The following ULK2 variants were observed in gnomAD, a reference collection of about 807,000 sequenced individuals.
ULK2 encodes unc-51 like autophagy activating kinase 2, also known as serine/threonine-protein kinase ULK2.
A neutral mutation model predicts 127.5 loss-of-function variants in ULK2; 76 were observed. The ratio of observed to expected loss-of-function variants is 0.60; its 90% confidence interval spans 0.50 to 0.72. The LOEUF is 0.72. ULK2 is among the 30% of genes least tolerant of loss of function. ULK2 has a pLI of 0.00. For synonymous variants in ULK2, 452 were observed against 461.9 expected, an observed-to-expected ratio of 0.98 and a Z score of 0.28; for missense variants, 1,144 against 1,295.9, an observed-to-expected ratio of 0.88 and a Z score of 1.80.
rs577642653 is a variant in ULK2, at chr17:19,810,432, A to G, written c.1103T>C (p.Met368Thr). ...ACGTCTGCCAGCAGTCCCCACTGGC[A>G]TATCACCTAAAGGAGAGAAAAGAAC... Reference protein sequence around the residue: ...HNISSDHSCDMPVGTAGRRAS... With the variant: ...HNISSDHSCDTPVGTAGRRAS... The change falls in exon 14 of 27, where the codon ATG (methionine) becomes ACG (threonine). Residue 368 changes from methionine to threonine, a missense_variant. By Grantham distance (81) the Met-to-Thr change is moderately conservative. Transcript: ENST00000395544. The G allele has an allele frequency of 2.5e-6, 4 of 1,602,904 alleles. No homozygotes were observed. Among genetic ancestry groups the G allele is most frequent in the Admixed American group, 3.4e-5 (2 of 59,540 alleles).
intron 10 of ULK2, among the ~76,000 whole-genome samples, chr17:19,835,321 C>A (rs2041565911): frequency 6.6e-6 from 1 of 151,156 alleles, no homozygotes; most frequent in Non-Finnish European, 1.5e-5. Flanking sequence ...ACCTCGTGAT[C>A]TGCCCACTTC....
intron 14 of ULK2, among the ~76,000 whole-genome samples, chr17:19,805,488 T>C (rs1426827829): frequency 6.6e-6 from 1 of 152,096 alleles, no homozygotes; most frequent in African/African-American, 2.4e-5. Context: ...AGATGACTTA[T>C]TTCAAAGTAA....
At chr17:19,827,571 G>A (rs530318444) in intron 10 of ULK2, among the ~76,000 whole-genome samples, 3 of 152,272 alleles carry the variant, frequency 2.0e-5, no homozygotes, top group Admixed American at 6.5e-5. Context: ...ATGTCTTAAT[G>A]ATTTCTCTGG....
At chr17:19,867,296 C>T (rs745645397) in intron 1 of ULK2, 32 bp downstream of exon 1, 35 of 1,520,114 alleles carry the variant, frequency 2.3e-5, no homozygotes, top group Non-Finnish European at 2.4e-5. Flanking sequence ...GCCTGCCGCC[C>T]GGGGCCCGGC....
intron 10 of ULK2, among the ~76,000 whole-genome samples, chr17:19,831,554 G>A (rs912667603): frequency 4.6e-5 from 7 of 152,194 alleles, no homozygotes; most frequent in African/African-American, 1.2e-4. Flanking sequence ...GCCAGGTGCC[G>A]TGCCCCACGC....
chr17:19,841,407 G>A, intron 9 of ULK2, 82 bp downstream of exon 9: 1 of 1,335,136 alleles, frequency 7.5e-7, no homozygotes, highest in Non-Finnish European at 1.0e-6. Context: ...ATTAAAAAAT[G>A]AGAATACACA....
Position 19,867,330 on chromosome 17 carries a change from G to A in ULK2, c.88C>T (p.Gln30Ter). Residue 30 changes from glutamine to a stop codon, truncating the protein, a stop_gained and splice_region_variant, in exon 1 of 27, where the codon CAG becomes TAG. Transcript: ENST00000395544. LOFTEE classifies it high-confidence loss of function. ...GCCTCGCCCCGGCCGGCGCTCACCT[G>A]GCGGTGCCGCCCCCGGAAGACCACG... ...FAVVFRGRHRQKTDWEVAIKS... is the reference protein window; with the variant it reads ...FAVVFRGRHR 1 of 1,593,746 alleles carries A rather than the reference G, an allele frequency of 6.3e-7. No homozygotes were observed. Among genetic ancestry groups the A allele is most frequent in the Non-Finnish European group, 8.5e-7 (1 of 1,171,980 alleles).
chr17:19,817,754 C>T (rs191025342), intron 12 of ULK2, among the ~76,000 whole-genome samples: 48 of 152,158 alleles, frequency 3.2e-4, no homozygotes, highest in African/African-American at 9.9e-4. Context: ...ATTTAAGGAA[C>T]GGAAAAATAC....
At chr17:19,802,598 G>T (rs555317360) in intron 15 of ULK2, among the ~76,000 whole-genome samples, 1 of 152,182 alleles carries the variant, frequency 6.6e-6, no homozygotes, top group Non-Finnish European at 1.5e-5. Flanking sequence ...TATTTTGAGT[G>T]AAGAATATGA....
In ULK2 at chr17:19,795,724, A is replaced by T. The variant is rs773592525; in HGVS notation, c.1999T>A (p.Ser667Thr). Residue 667 changes from serine to threonine, a missense_variant and splice_region_variant, in exon 20 of 27, where the codon TCT becomes ACT. Coordinates refer to ENST00000395544, the MANE Select transcript of ULK2 (RefSeq NM_014683.4). ...TCTGATAACTTCCCGGTACTGACAG[A>T]TCTAAAAAGAATAGTGATGTTTTTA... ...EQQSKAVFGR[S>T]VSTGKLSDQQ... The T allele has an allele frequency of 6.2e-7, 1 of 1,612,864 alleles. No homozygotes were observed. The highest frequency in any genetic ancestry group is 1.3e-5 in the African/African-American group (1 of 74,910).
intron 16 of ULK2, among the ~76,000 whole-genome samples, chr17:19,801,408 G>C (rs2087394764): frequency 6.6e-6 from 1 of 151,970 alleles, no homozygotes; most frequent in African/African-American, 2.4e-5. Flanking sequence ...CTTTGTCTCC[G>C]TAAAAATAAA....
intron 16 of ULK2, 55 bp from the exon 17 acceptor site, chr17:19,799,630 A>C (rs2087353737): frequency 6.8e-7 from 1 of 1,474,424 alleles, no homozygotes; most frequent in African/African-American, 1.4e-5. Context: ...ATCAAAAACC[A>C]ATAAAAGATG....
At chr17:19,780,744 A>G in intron 24 of ULK2, 115 bp from the exon 25 acceptor site, 3 of 1,204,796 alleles carry the variant, frequency 2.5e-6, no homozygotes, top group Non-Finnish European at 3.4e-6. Flanking sequence ...GATCATTCAA[A>G]AAAAGGACCA....
intron 16 of ULK2, 95 bp downstream of exon 16, chr17:19,801,682 C>A: frequency 1.3e-6 from 2 of 1,542,886 alleles, no homozygotes; most frequent in Non-Finnish European, 1.8e-6. Context: ...AGAATCACTG[C>A]CATCATGAGC....
intron 3 of ULK2, chr17:19,855,716 C>T (rs1386773057): frequency 6.6e-6 from 1 of 152,146 alleles, no homozygotes; most frequent in African/African-American, 2.4e-5. Flanking sequence ...ACTCTGATTC[C>T]CTCTTGTTTA....
intron 11 of ULK2, 76 bp downstream of exon 11, chr17:19,826,063 T>C: frequency 1.5e-6 from 1 of 673,656 alleles, no homozygotes; most frequent in Non-Finnish European, 2.3e-6. Context: ...AAGATGAATT[T>C]TGTAGTAAAA....
intron 3 of ULK2, among the ~76,000 whole-genome samples, chr17:19,853,322 G>A (rs2042058213): frequency 1.3e-5 from 2 of 151,380 alleles, no homozygotes; most frequent in South Asian, 4.2e-4. Flanking sequence ...ATTTTTTCTA[G>A]AGACGGGGTT....
intron 2 of ULK2, 80 bp from the exon 3 acceptor site, chr17:19,864,924 G>T: frequency 1.7e-6 from 1 of 585,080 alleles, no homozygotes. Flanking sequence ...TAAAATTAAA[G>T]TATACACATA....
intron 13 of ULK2, among the ~76,000 whole-genome samples, chr17:19,814,456 T>TTTG (rs1555557155): frequency 1.1e-4 from 2 of 18,254 alleles, no homozygotes; most frequent in African/African-American, 3.7e-4. Flanking sequence ...TTTTTTTTTT[T>TTTG]TTTTTTTGGA....
Sources: allele counts gnomAD v4.1 joint callset (sites outside exome capture counted in the v4.1 genomes callset), GRCh38; gene constraint gnomAD v4.1.1; transcripts MANE v1.5; gene names NCBI Gene and HGNC (gene_info 2026-07-23, HGNC 2026-07-21).